Variants in RASAL2 observed in about 807,000 individuals in gnomAD.
RASAL2 encodes ras GTPase-activating protein nGAP.
In RASAL2, 58 loss-of-function variants were observed where a neutral mutation model predicts 128.9. The observed-to-expected ratio is 0.45, with a 90% CI of 0.36 to 0.56. The LOEUF (loss-of-function observed/expected upper bound fraction) is 0.56, where lower values mean the gene tolerates loss of function less well. Ranked by LOEUF, RASAL2 falls within the 20% of genes least tolerant of loss-of-function variation. The pLI is 0.00. For missense variants in RASAL2, 1,360 were observed against 1,601.6 expected (o/e 0.85, Z 2.57); for synonymous variants, 561 against 580.8 (o/e 0.97, Z 0.49).
intron 1 of RASAL2, among the ~76,000 whole-genome samples, chr1:178,268,696 T>G (rs999358587): frequency 4.3e-4 from 65 of 152,226 alleles, no homozygotes; most frequent in African/African-American, 1.1e-3. Flanking sequence ...TGGACTCAAA[T>G]GACCCCCCTG....
At chr1:178,191,050 A>T (rs1004424351) in intron 1 of RASAL2, among the ~76,000 whole-genome samples, 1 of 152,168 alleles carries the variant, frequency 6.6e-6, no homozygotes, top group African/African-American at 2.4e-5. Context: ...TGAAACAGCT[A>T]CTGTTCACTC....
chr1:178,472,565 C>A (rs1648373531), intron 17 of RASAL2, among the ~76,000 whole-genome samples: 1 of 152,174 alleles, frequency 6.6e-6, no homozygotes, highest in Non-Finnish European at 1.5e-5. Flanking sequence ...ACACTGCCAC[C>A]ATGTATTGTT....
intron 2 of RASAL2, among the ~76,000 whole-genome samples, chr1:178,299,374 A>C (rs1557885989): frequency 6.6e-6 from 1 of 152,322 alleles, no homozygotes; most frequent in East Asian, 1.9e-4. Flanking sequence ...CTGATATAGA[A>C]AAACATTTTA....
chr1:178,252,666 A>G (rs1181939504), intron 1 of RASAL2, among the ~76,000 whole-genome samples: 1 of 152,166 alleles, frequency 6.6e-6, no homozygotes, highest in Admixed American at 6.5e-5. Context: ...TCAAGGAGGA[A>G]TCTTTAGATA....
In RASAL2 at chr1:178,094,223, A is replaced by G. The variant is rs1658574024; in HGVS notation, c.-270A>G. 2.0e-6 allele frequency: 1 copy of G among 492,174 alleles called. No individual in the cohort carries two copies. The highest frequency in any genetic ancestry group is 2.1e-5 in the African/African-American group (1 of 48,222). 30.5% of individuals were successfully genotyped at this position (492,174 alleles called of 1,614,324 possible). On this transcript the variant is annotated 5_prime_UTR_variant, in exon 1 of 18. Transcript: ENST00000367649. Reference sequence around the variant, plus strand: ...GTCCTCTCCCGGGAGGGACCCACACACACCTGAGCCCGGACCCACCCTTGG... The same window carrying G: ...GTCCTCTCCCGGGAGGGACCCACACGCACCTGAGCCCGGACCCACCCTTGG...
intron 1 of RASAL2, among the ~76,000 whole-genome samples, chr1:178,170,214 A>G (rs2101909701): frequency 1.3e-5 from 2 of 152,106 alleles, no homozygotes; most frequent in South Asian, 4.1e-4. Flanking sequence ...CTGGAGAACC[A>G]CATATTTGTG....
At chr1:178,439,752 C>T (rs1273008174) in intron 6 of RASAL2, among the ~76,000 whole-genome samples, 177 bp downstream of exon 6, 1 of 152,094 alleles carries the variant, frequency 6.6e-6, no homozygotes, top group Non-Finnish European at 1.5e-5. Context: ...ATCATATTTG[C>T]AGTTAAAGTT....
At chr1:178,363,970 C>T (rs1671261757) in intron 3 of RASAL2, among the ~76,000 whole-genome samples, 1 of 151,998 alleles carries the variant, frequency 6.6e-6, no homozygotes, top group African/African-American at 2.4e-5. Flanking sequence ...GTGGCAGGCA[C>T]CTGTAGTCCC....
chr1:178,411,354 A>G (rs1674371818), intron 4 of RASAL2, among the ~76,000 whole-genome samples: 1 of 152,190 alleles, frequency 6.6e-6, no homozygotes, highest in South Asian at 2.1e-4. Flanking sequence ...AGCTGTGAGG[A>G]CACAAAGGCA....
chr1:178,244,989 G>T (rs1010210697), intron 1 of RASAL2, among the ~76,000 whole-genome samples: 1 of 152,106 alleles, frequency 6.6e-6, no homozygotes, highest in Non-Finnish European at 1.5e-5. Context: ...ATGGGCATTT[G>T]GGTTGGTTCC....
At position 178,454,550 on chromosome 1, in the gene RASAL2, A is replaced by C; in HGVS notation, c.2113A>C (p.Ile705Leu). 6.2e-7 allele frequency: 1 copy of C among 1,613,930 alleles called. No homozygotes were observed. The change falls in exon 12 of 18, where the codon ATC becomes CTC. Residue 705 changes from isoleucine (I) to leucine (L), a missense_variant. Around this residue, in one of 3 missense-constraint regions of RASAL2, gnomAD observed 741 missense variants for 868.6 expected, o/e 0.85. Transcript: ENST00000367649. The stretch of plus-strand genomic sequence containing the variant: ...TTTGGAGATCTCTAATCCAGACACC[A>C]TCTCAAACACCCCAGGCTTTGATGG... ...FLLEISNPDT[I>L]SNTPGFDGYI... is the part of the protein sequence containing the mutation.
intron 3 of RASAL2, among the ~76,000 whole-genome samples, chr1:178,324,008 G>A (rs1668912570): frequency 6.6e-6 from 1 of 152,182 alleles, no homozygotes; most frequent in African/African-American, 2.4e-5. Context: ...GCTGGGTAGT[G>A]GAAAATGGCA....
intron 1 of RASAL2, among the ~76,000 whole-genome samples, chr1:178,144,987 T>TTTACATATGTAAAACATA (rs1660669502): frequency 6.6e-6 from 1 of 152,214 alleles, no homozygotes; most frequent in Non-Finnish European, 1.5e-5. Context: ...TTTAACATCT[T>TTTACATATGTAAAACATA]TGTAAAAATA....
intron 1 of RASAL2, among the ~76,000 whole-genome samples, chr1:178,274,552 T>C (rs1404322246): frequency 6.6e-6 from 1 of 152,134 alleles, no homozygotes; most frequent in African/African-American, 2.4e-5. Flanking sequence ...ACTATGGTCA[T>C]ATTTTAAGTG....
At chr1:178,344,591 G>T (rs1262853153) in intron 3 of RASAL2, among the ~76,000 whole-genome samples, 1 of 152,160 alleles carries the variant, frequency 6.6e-6, no homozygotes, top group Non-Finnish European at 1.5e-5. Context: ...GTTTGTTACA[G>T]ACTCTTTTTG....
At chr1:178,382,865 C>T (rs372754653) in intron 3 of RASAL2, among the ~76,000 whole-genome samples, 3 of 152,082 alleles carry the variant, frequency 2.0e-5, no homozygotes, top group East Asian at 3.9e-4. Flanking sequence ...GAACTAGATA[C>T]GTGTTTTCTA....
chr1:178,221,352 G>A (rs1310642584), intron 1 of RASAL2, among the ~76,000 whole-genome samples: 1 of 152,050 alleles, frequency 6.6e-6, no homozygotes, highest in African/African-American at 2.4e-5. Context: ...TAAGGTAGAA[G>A]CTTCAGTTAT....
intron 1 of RASAL2, among the ~76,000 whole-genome samples, chr1:178,268,199 A>G (rs537654901): frequency 7.2e-5 from 11 of 152,150 alleles, no homozygotes; most frequent in African/African-American, 2.4e-4. Context: ...GCTGGGCGCA[A>G]TGGCTCCCAC....
chr1:178,400,008 G>C (rs1336691393), intron 4 of RASAL2, among the ~76,000 whole-genome samples: 3 of 152,188 alleles, frequency 2.0e-5, no homozygotes, highest in Non-Finnish European at 4.4e-5. Context: ...GGCCTGCTCA[G>C]TGGTTTCTTC....
Sources: gnomAD v4.1 joint callset for allele counts (sites outside exome capture counted in the v4.1 genomes callset) on GRCh38, gnomAD v4.1.1 for gene constraint, gnomAD v4.1.1 regional missense constraint, MANE v1.5 for transcripts, NCBI Gene and HGNC (gene_info 2026-07-23, HGNC 2026-07-21) for gene names.